PIP4K2A: variants seen among roughly 807,000 people sequenced by gnomAD.
PIP4K2A encodes the protein phosphatidylinositol-5-phosphate 4-kinase type 2 alpha.
Under a neutral mutation model 42.9 loss-of-function variants are expected in PIP4K2A, and 14 were observed. The ratio of observed to expected loss-of-function variants is 0.33; its 90% CI spans 0.22 to 0.51. The LOEUF is 0.51. PIP4K2A is among the 20% of genes least tolerant of loss of function. PIP4K2A has a pLI of 0.97. For missense variants in PIP4K2A, 434 were observed against 519.8 expected (o/e 0.83, Z 1.61); for synonymous variants, 192 against 192.2 (o/e 1.00, Z 0.01).
rs1205211815 is a variant in PIP4K2A at position 22,538,521 on chromosome 10, G to C, written c.1141-1240C>G. ...ATTTCTGTATGAGGTGAAAAAACAG[G>C]AGCTCCAAAAGTGTCCCCTTGAGGT... On this transcript the variant is annotated intron_variant, in intron 9 of 9. Coordinates refer to ENST00000376573, the MANE Select transcript of PIP4K2A (RefSeq NM_005028.5). Among the ~76,000 whole-genome samples, 4 of 152,174 alleles carry C rather than the reference G, an allele frequency of 2.6e-5. No individual in the cohort carries two copies. The South Asian group carries it at 8.3e-4, about 31-fold the overall frequency.
intron 1 of PIP4K2A, among the ~76,000 whole-genome samples, chr10:22,618,573 G>C (rs1282051671): frequency 6.6e-6 from 1 of 152,142 alleles, no homozygotes; most frequent in South Asian, 2.1e-4. Flanking sequence ...GCATTGCTAA[G>C]AAAATATTTT....
chr10:22,609,551 A>C, intron 2 of PIP4K2A, 69 bp downstream of exon 2: 1 of 853,688 alleles, frequency 1.2e-6, no homozygotes, highest in Non-Finnish European at 2.0e-6. Flanking sequence ...TTATGTGATT[A>C]CAAAAATTCA....
chr10:22,564,688 G>A (rs1027661648), intron 6 of PIP4K2A, among the ~76,000 whole-genome samples: 3 of 152,234 alleles, frequency 2.0e-5, no homozygotes, highest in African/African-American at 4.8e-5. Flanking sequence ...CAGTGCCTTA[G>A]AGGGGGTTTA....
chr10:22,610,185 G>T (rs938861971), intron 1 of PIP4K2A, among the ~76,000 whole-genome samples: 3 of 152,168 alleles, frequency 2.0e-5, no homozygotes, highest in African/African-American at 7.2e-5. Flanking sequence ...TTCCCTTACA[G>T]GAACTAAGTT....
In PIP4K2A at chr10:22,584,921, T is replaced by C. The variant is rs1017262154; in HGVS notation, c.492+6708A>G. ...ATTCAGAACTGAGTGCTCAGAATGT[T>C]CTGTTGTTCCAGAACACAGGAGCTG... On this transcript the variant is annotated intron_variant, in intron 4 of 9. Transcript: ENST00000376573. Among the ~76,000 whole-genome samples, 9 of 152,268 alleles carry C rather than the reference T, an allele frequency of 5.9e-5. No individual in the cohort carries two copies. In the East Asian group the frequency reaches 1.7e-3, roughly 29 times the overall value.
intron 3 of PIP4K2A, among the ~76,000 whole-genome samples, chr10:22,596,624 T>C (rs961846432): frequency 2.6e-5 from 4 of 152,220 alleles, no homozygotes; most frequent in African/African-American, 7.2e-5. Context: ...CTTGGACAAG[T>C]TGGGAGGCCC....
At chr10:22,633,205 G>A (rs958993048) in intron 1 of PIP4K2A, among the ~76,000 whole-genome samples, 8 of 152,192 alleles carry the variant, frequency 5.3e-5, no homozygotes, top group Non-Finnish European at 7.3e-5. Flanking sequence ...CAGAACCTGG[G>A]CTCTTGGCCA....
chr10:22,700,305 T>C (rs1024605175), intron 1 of PIP4K2A, among the ~76,000 whole-genome samples: 4 of 152,216 alleles, frequency 2.6e-5, no homozygotes, highest in Non-Finnish European at 5.9e-5. Context: ...ATCTGCATTA[T>C]AGAAGCATGT....
At chr10:22,545,366 G>C (rs1054183363) in intron 7 of PIP4K2A, among the ~76,000 whole-genome samples, 1 of 152,226 alleles carries the variant, frequency 6.6e-6, no homozygotes, top group Non-Finnish European at 1.5e-5. Context: ...ACAGAAGTCA[G>C]GGCTGTCTGT....
intron 1 of PIP4K2A, among the ~76,000 whole-genome samples, chr10:22,644,638 CTCCT>C (rs1838845480): frequency 6.6e-6 from 1 of 152,232 alleles, no homozygotes; most frequent in African/African-American, 2.4e-5. Flanking sequence ...CCACTCTAAT[CTCCT>C]TCCCTAGCAC....
At chr10:22,702,447 T>C (rs1165406774) in intron 1 of PIP4K2A, among the ~76,000 whole-genome samples, 1 of 152,228 alleles carries the variant, frequency 6.6e-6, no homozygotes, top group Admixed American at 6.5e-5. Flanking sequence ...TACTTAGAAA[T>C]GCATTCATAG....
At chr10:22,596,962 C>T (rs1219931698) in intron 3 of PIP4K2A, among the ~76,000 whole-genome samples, 2 of 152,236 alleles carry the variant, frequency 1.3e-5, no homozygotes, top group Admixed American at 1.3e-4. Context: ...GTGACATACA[C>T]CTTCTAATGC....
chr10:22,659,157 A>G (rs1839156233), intron 1 of PIP4K2A, among the ~76,000 whole-genome samples: 1 of 152,248 alleles, frequency 6.6e-6, no homozygotes, highest in Non-Finnish European at 1.5e-5. Context: ...TCTGGCTAAC[A>G]CTTGGATTCC....
chr10:22,676,712 C>T (rs1282238906), intron 1 of PIP4K2A, among the ~76,000 whole-genome samples: 2 of 152,146 alleles, frequency 1.3e-5, no homozygotes, highest in Non-Finnish European at 2.9e-5. Context: ...TGGGCAACTG[C>T]TATAGTCCAG....
intron 1 of PIP4K2A, among the ~76,000 whole-genome samples, chr10:22,695,732 T>C (rs896218297): frequency 1.3e-5 from 2 of 152,120 alleles, no homozygotes; most frequent in African/African-American, 4.8e-5. Flanking sequence ...CCTGCACACA[T>C]CCTCCCATAT....
At chr10:22,558,600 CCTT>C (rs1000716723) in intron 6 of PIP4K2A, among the ~76,000 whole-genome samples, 1 of 152,178 alleles carries the variant, frequency 6.6e-6, no homozygotes, top group Non-Finnish European at 1.5e-5. Context: ...ATGCCAACCT[CCTT>C]TAACTACATA....
At chr10:22,615,742 G>C (rs753851577) in intron 1 of PIP4K2A, among the ~76,000 whole-genome samples, 1 of 152,296 alleles carries the variant, frequency 6.6e-6, no homozygotes, top group Non-Finnish European at 1.5e-5. Context: ...CACAGCAAAA[G>C]AGCAATATCA....
chr10:22,695,550 T>C (rs999917118), intron 1 of PIP4K2A, among the ~76,000 whole-genome samples: 1 of 152,208 alleles, frequency 6.6e-6, no homozygotes, highest in Non-Finnish European at 1.5e-5. Flanking sequence ...ATCCCCTATA[T>C]GAAGAGAATA....
chr10:22,609,990 C>A (rs567620683), intron 1 of PIP4K2A, among the ~76,000 whole-genome samples: 63 of 152,176 alleles, frequency 4.1e-4, no homozygotes, highest in Non-Finnish European at 8.1e-4. Flanking sequence ...TGCTTCTTGC[C>A]CATCCACTCT....
Sources: gnomAD v4.1 joint callset for allele counts (sites outside exome capture counted in the v4.1 genomes callset) on GRCh38, gnomAD v4.1.1 for gene constraint, MANE v1.5 for transcripts, NCBI Gene and HGNC (gene_info 2026-07-23, HGNC 2026-07-21) for gene names.